MYH11: variants seen among roughly 807,000 people sequenced by gnomAD.
MYH11 encodes the protein myosin heavy chain 11.
A neutral mutation model predicts 246.6 loss-of-function variants in MYH11; 80 were observed. The observed-to-expected ratio is 0.32, with a 90% CI of 0.27 to 0.39. MYH11 has a LOEUF of 0.39. Among genes scored for constraint, MYH11 ranks in the 10% least tolerant of loss-of-function variants. The probability of loss-of-function intolerance (pLI) is 1.00; values close to 1 mark genes in which losing one functional copy is unlikely to be tolerated. For missense variants in MYH11, 2,158 were observed against 2,546.8 expected, an observed-to-expected ratio of 0.85 and a Z score of 3.29; for synonymous variants, 1,071 against 1,015.5, an observed-to-expected ratio of 1.05 and a Z score of -1.04.
chr16:15,766,929 G>A (rs2041995985), intron 9 of MYH11, among the ~76,000 whole-genome samples: 1 of 152,200 alleles, frequency 6.6e-6, no homozygotes, highest in Non-Finnish European at 1.5e-5. Flanking sequence ...GTGTGCTGGT[G>A]CAAAGCACGC....
intron 3 of MYH11, among the ~76,000 whole-genome samples, chr16:15,816,580 C>T (rs757734007): frequency 2.0e-4 from 30 of 152,084 alleles, no homozygotes; most frequent in Non-Finnish European, 3.2e-4. Flanking sequence ...ACTCTGAACA[C>T]TGAGTTTGTC....
At chr16:15,734,071 A>G (rs577934583) in intron 26 of MYH11, among the ~76,000 whole-genome samples, 68 of 152,342 alleles carry the variant, frequency 4.5e-4, no homozygotes, top group African/African-American at 1.6e-3. Flanking sequence ...ACCTAGTTTC[A>G]CTAGAGTCAG....
intron 1 of MYH11, among the ~76,000 whole-genome samples, chr16:15,853,751 G>A (rs528451609): frequency 2.6e-5 from 4 of 152,212 alleles, no homozygotes; most frequent in South Asian, 2.1e-4. Flanking sequence ...AGCCAGGCGC[G>A]GTGGCTCACG....
chr16:15,814,633 AC>A (rs1265170161), intron 3 of MYH11, among the ~76,000 whole-genome samples: 2 of 149,726 alleles, frequency 1.3e-5, no homozygotes, highest in Non-Finnish European at 3.0e-5. Context: ...GTGGGAAACG[AC>A]CTAATTTCAA....
rs3073439 is a variant in MYH11 at position 15,766,344 on chromosome 16, G to GGTGTGTGT, written c.1034-2461_1034-2454dup. Among the ~76,000 whole-genome samples the GGTGTGTGT allele has an allele frequency of 1.4e-3, 195 of 136,774 alleles. 2 individuals are homozygous for GGTGTGTGT. The highest frequency in any genetic ancestry group is 7.3e-3 in the Middle Eastern group (2 of 274). 89.7% of individuals were successfully genotyped at this position (136,774 alleles called of 152,430 possible). On this transcript the variant is annotated intron_variant, in intron 9 of 40. Transcript: ENST00000300036. ...TATGTGAAGTGTACCCATGTTTTTT[G>GGTGTGTGT]GTGTGTGTGTGTGTGTGTGTGTGTG...
intron 2 of MYH11, among the ~76,000 whole-genome samples, chr16:15,824,147 G>A (rs1011259204): frequency 1.3e-5 from 2 of 152,198 alleles, no homozygotes; most frequent in Non-Finnish European, 2.9e-5. Context: ...AAAATGAACA[G>A]TGTGCTTAAG....
chr16:15,789,556 C>T (rs1378513282), intron 4 of MYH11, among the ~76,000 whole-genome samples: 1 of 150,626 alleles, frequency 6.6e-6, no homozygotes, highest in Non-Finnish European at 1.5e-5. Context: ...CTGCCTCCTA[C>T]CCTTTTATTT....
At chr16:15,708,605 A>G (rs1037083833) in intron 40 of MYH11, among the ~76,000 whole-genome samples, 6 of 152,234 alleles carry the variant, frequency 3.9e-5, no homozygotes, top group African/African-American at 1.4e-4. Flanking sequence ...ACAGTGGGTC[A>G]AGAGATGAGG....
intron 28 of MYH11, 137 bp from the exon 29 acceptor site, chr16:15,725,129 T>G (rs1429061928): frequency 1.5e-6 from 1 of 646,132 alleles, no homozygotes; most frequent in Non-Finnish European, 2.7e-6. Flanking sequence ...GGTATGGGAC[T>G]CTGATAAAAA....
At chr16:15,781,479 G>A (rs2042351707) in intron 6 of MYH11, among the ~76,000 whole-genome samples, 1 of 152,314 alleles carries the variant, frequency 6.6e-6, no homozygotes, top group South Asian at 2.1e-4. Flanking sequence ...GCGAGCAACA[G>A]TTCAGAGACC....
intron 6 of MYH11, among the ~76,000 whole-genome samples, chr16:15,781,707 C>T (rs1184430211): frequency 6.6e-6 from 1 of 152,084 alleles, no homozygotes; most frequent in Non-Finnish European, 1.5e-5. Context: ...AAGGTAGTAC[C>T]CCCTGCCTCA....
intron 3 of MYH11, among the ~76,000 whole-genome samples, chr16:15,812,471 C>A (rs1378793475): frequency 1.5e-5 from 2 of 133,860 alleles, no homozygotes; most frequent in Non-Finnish European, 3.1e-5. Context: ...AATCCCAGCA[C>A]TTTGGGAGGT....
In MYH11 at chr16:15,740,052, T is replaced by TTTGA; in HGVS notation, c.2992_2995dup (p.Lys999IlefsTer8). The TTTGA allele has an allele frequency of 6.2e-7, 1 of 1,613,910 alleles. No homozygotes were observed. Among genetic ancestry groups the TTTGA allele is most frequent in the Non-Finnish European group, 8.5e-7 (1 of 1,179,898 alleles). On this transcript the variant is annotated frameshift_variant and splice_region_variant, in exon 23 of 41. Transcript: ENST00000300036. LOFTEE classifies it high-confidence loss of function. ...CCACTGCACCCGGCCCCTACTCACT[T>TTTGA]TTGATAGTTTATTGTTCTGATCATC...
At chr16:15,717,644 A>C in intron 37 of MYH11, 2 of 494,710 alleles carry the variant, frequency 4.0e-6, no homozygotes, top group Non-Finnish European at 7.3e-6. Context: ...AAAATACAAA[A>C]ATTAGCCGGG....
intron 32 of MYH11, 168 bp downstream of exon 32, chr16:15,721,241 CCCATCCTCGACTG>C: frequency 1.1e-6 from 1 of 938,150 alleles, no homozygotes; most frequent in Non-Finnish European, 1.7e-6. Flanking sequence ...CCAACTCAGA[CCCATCCTCGACTG>C]CCATTCTCAG....
intron 2 of MYH11, among the ~76,000 whole-genome samples, chr16:15,835,573 G>A (rs2151379101): frequency 6.6e-6 from 1 of 152,160 alleles, no homozygotes; most frequent in Non-Finnish European, 1.5e-5. Flanking sequence ...AGAGACACAA[G>A]GATGCCAAGT....
chr16:15,769,742 T>C (rs1436654460), intron 9 of MYH11, among the ~76,000 whole-genome samples: 2 of 152,254 alleles, frequency 1.3e-5, no homozygotes, highest in South Asian at 4.1e-4. Flanking sequence ...ATTTAAATGG[T>C]CTCATTGTTT....
intron 15 of MYH11, among the ~76,000 whole-genome samples, chr16:15,752,474 C>G (rs2041597791): frequency 6.6e-6 from 1 of 152,110 alleles, no homozygotes; most frequent in South Asian, 2.1e-4. Context: ...AGTGTGGTCC[C>G]TAGACCAGCA....
chr16:15,709,990 C>T lies in MYH11; in HGVS notation c.5786+4919G>A, dbSNP rs149079935. On this transcript the variant is annotated intron_variant, in intron 40 of 40. Transcript: ENST00000300036. ...CTTGGTGAAACTCGCACTACAGTTC[C>T]TTCTTGGCTGAGGAGCCAGGCATGC... is the stretch of plus-strand genomic sequence containing the variant. Among the ~76,000 whole-genome samples the T allele has an allele frequency of 2.7e-4, 41 of 152,316 alleles. No homozygotes were observed. In the East Asian group the frequency reaches 7.5e-3, roughly 28 times the overall value.
Sources: allele counts gnomAD v4.1 joint callset (sites outside exome capture counted in the v4.1 genomes callset), GRCh38; gene constraint gnomAD v4.1.1; transcripts MANE v1.5; gene names NCBI Gene and HGNC (gene_info 2026-07-23, HGNC 2026-07-21).